The following COL1A1 variants were observed in gnomAD, a reference collection of about 807,000 sequenced individuals.
COL1A1 encodes the protein collagen alpha-1(I) chain.
COL1A1 carries 21 observed loss-of-function variants against 195.7 expected under a neutral mutation model. The observed-to-expected ratio is 0.11, with a 90% CI of 0.08 to 0.15. COL1A1 has a LOEUF of 0.15. Among genes scored for constraint, COL1A1 ranks in the 10% least tolerant of loss-of-function variants. The pLI, the probability that COL1A1 is intolerant of heterozygous loss-of-function variation, is 1.00. For missense variants in COL1A1, 1,365 were observed against 2,051.0 expected, an observed-to-expected ratio of 0.67 and a Z score of 6.46; for synonymous variants, 749 against 747.3, an observed-to-expected ratio of 1.00 and a Z score of -0.04.
rs1156674755 is a variant in COL1A1 at position 50,188,452 on chromosome 17, C to T, written c.3207+78G>A. The stretch of plus-strand genomic sequence containing the variant: ...CCCCCTGCCTGGGTGAAGTCCGACA[C>T]CCATCCCCAGGCCTCTAAGGAGGCC... On this transcript the variant is annotated intron_variant, in intron 43 of 50. Coordinates refer to ENST00000225964, the MANE Select transcript of COL1A1 (RefSeq NM_000088.4). The surrounding 1 kb of genome is among the most constrained non-coding windows in gnomAD (Gnocchi z 5.6). 15 of 1,388,886 alleles carry T rather than the reference C, an allele frequency of 1.1e-5. No homozygotes were observed. Among genetic ancestry groups the T allele is most frequent in the Non-Finnish European group, 1.5e-5 (15 of 977,460 alleles). 86.0% of individuals were successfully genotyped at this position (1,388,886 alleles called of 1,614,324 possible).
intron 32 of COL1A1, among the ~76,000 whole-genome samples, chr17:50,191,132 C>T (rs921436680): frequency 2.0e-5 from 3 of 152,040 alleles, no homozygotes; most frequent in African/African-American, 4.8e-5. Context: ...ACTTGTGTAG[C>T]GGGATGAATA....
chr17:50,196,599 G>A lies in COL1A1; in HGVS notation c.858+18C>T, dbSNP rs368700070. 21 of 1,614,016 alleles carry A rather than the reference G, an allele frequency of 1.3e-5. No homozygotes were observed. In the African/African-American group the frequency reaches 2.7e-4, roughly 21 times the overall value. On this transcript the variant is annotated intron_variant, in intron 12 of 50. Transcript: ENST00000225964. ...CTCTGGGGATGTGGAGGACCATGAT[G>A]TTCAGACAGCCTCTTACCTTAGGAC... is the stretch of plus-strand genomic sequence containing the variant.
chr17:50,186,120 A>G lies in COL1A1; in HGVS notation c.4006-100T>C, dbSNP rs1598284601. ...GGGTCCTCAGAGAGCTGCCCAATGC[A>G]CCGTTATATCGAGAGGAGGCACCAC... is the stretch of plus-strand genomic sequence containing the variant. On this transcript the variant is annotated intron_variant, in intron 49 of 50. Coordinates refer to ENST00000225964, the MANE Select transcript of COL1A1 (RefSeq NM_000088.4). The surrounding 1 kb of genome is among the most constrained non-coding windows in gnomAD (Gnocchi z 5.3). 1.3e-6 allele frequency: 2 copies of G among 1,569,288 alleles called. No homozygotes were observed. The highest frequency in any genetic ancestry group is 2.3e-5 in the East Asian group (1 of 44,010).
rs1907184428 is a variant in COL1A1, at chr17:50,192,494, G to A, written c.1964C>T (p.Ala655Val). 1 of 1,613,288 alleles carries A rather than the reference G, an allele frequency of 6.2e-7. No homozygotes were observed. Among genetic ancestry groups the A allele is most frequent in the Non-Finnish European group, 8.5e-7 (1 of 1,179,642 alleles). ...TCTTACCTGTTCACCAGGTTTGCCTGCTTCACCTGGAGGACCAGCAGGACC... is the reference window on the plus strand; with the variant it reads ...TCTTACCTGTTCACCAGGTTTGCCTACTTCACCTGGAGGACCAGCAGGACC... ...LPGPAGPPGE[A>V]GKPGEQGVPG... The change falls in exon 29 of 51, where the codon GCA becomes GTA. Residue 655 changes from alanine (A) to valine (V), a missense_variant. Around this residue, in one of 5 missense-constraint regions of COL1A1, gnomAD observed 671 missense variants for 1,099.9 expected, o/e 0.61. Coordinates refer to ENST00000225964, the MANE Select transcript of COL1A1 (RefSeq NM_000088.4).
chr17:50,188,084 C>T lies in COL1A1; in HGVS notation c.3261+12G>A. ...AGTTCTAAAGGCATGGGGGACACAG[C>T]AGGGTACTTACGGCGGGGCCACGGG... On this transcript the variant is annotated intron_variant, in intron 44 of 50. Coordinates refer to ENST00000225964, the MANE Select transcript of COL1A1 (RefSeq NM_000088.4). The surrounding 1 kb of genome is among the most constrained non-coding windows in gnomAD (Gnocchi z 5.6). 2 of 1,612,010 alleles carry T rather than the reference C, an allele frequency of 1.2e-6. No individual in the cohort carries two copies. Among genetic ancestry groups the T allele is most frequent in the Admixed American group, 3.3e-5 (2 of 59,712 alleles).
chr17:50,184,333 G>A lies in COL1A1; in HGVS notation c.*1169C>T, dbSNP rs996943385. 1.1e-4 allele frequency: 25 copies of A among 231,980 alleles called. No homozygotes were observed. The highest frequency in any genetic ancestry group is 5.3e-4 in the African/African-American group (24 of 45,288). 14.4% of individuals were successfully genotyped at this position (231,980 alleles called of 1,614,324 possible). On this transcript the variant is annotated 3_prime_UTR_variant, in exon 51 of 51. Coordinates refer to ENST00000225964, the MANE Select transcript of COL1A1 (RefSeq NM_000088.4). ...AGCTGTGGAGGAGGGTTTCAGAGGA[G>A]AGAGGTCGGAGAGCAGAGGCCTGAG...
chr17:50,188,540 C>G lies in COL1A1; in HGVS notation c.3197G>C (p.Arg1066Pro), dbSNP rs752075205. 1.2e-6 allele frequency: 2 copies of G among 1,613,954 alleles called. No homozygotes were observed. ...PVGPAGKSGD[R>P]GETGPAGPAG... ...AGCCCAGCTACTTACAGTCTCACCA[C>G]GATCACCACTCTTGCCAGCAGGGCC... Residue 1066 changes from arginine to proline, a missense_variant, in exon 43 of 51, where the codon CGT (arginine) becomes CCT (proline). This residue lies in a region of COL1A1 where 671 missense variants were observed against 1,099.9 expected (regional missense o/e 0.61). Coordinates refer to ENST00000225964, the MANE Select transcript of COL1A1 (RefSeq NM_000088.4). This position sits in a 1 kb window ranked among gnomAD's most constrained non-coding sequence, Gnocchi z 5.6.
rs1341595487 is a variant in COL1A1, at chr17:50,185,960, G to A, written c.4066C>T (p.Arg1356Cys). Residue 1356 changes from arginine to cysteine, a missense_variant, in exon 50 of 51, where the codon CGC becomes TGC. This residue lies in a region of COL1A1 where 273 missense variants were observed against 338.6 expected (regional missense o/e 0.81). Coordinates refer to ENST00000225964, the MANE Select transcript of COL1A1 (RefSeq NM_000088.4). ...TGGGAGGCCTCGGTGGACATCAGGC[G>A]CAGGAAGGTCAGCTGGATGGCCACA... Reference protein sequence around the residue: ...ADVAIQLTFLRLMSTEASQNI... With the variant: ...ADVAIQLTFLCLMSTEASQNI... 12 of 1,613,852 alleles carry A rather than the reference G, an allele frequency of 7.4e-6. No individual in the cohort carries two copies. The highest frequency in any genetic ancestry group is 1.7e-5 in the Admixed American group (1 of 60,006).
At position 50,195,986 on chromosome 17, in the gene COL1A1, A is replaced by G. The variant is rs1701959747; in HGVS notation, c.1003-10T>C. 1.3e-6 allele frequency: 2 copies of G among 1,597,428 alleles called. No individual in the cohort carries two copies. Among genetic ancestry groups the G allele is most frequent in the African/African-American group, 2.7e-5 (2 of 74,708 alleles). Reference sequence around the variant, plus strand: ...CGGGGCCGGTGGGACCCTGTGAATGAAATGGAGATGTCAGCGAGAAGGAAG... The same window carrying G: ...CGGGGCCGGTGGGACCCTGTGAATGGAATGGAGATGTCAGCGAGAAGGAAG... On this transcript the variant is annotated splice_polypyrimidine_tract_variant and intron_variant, in intron 15 of 50. Coordinates refer to ENST00000225964, the MANE Select transcript of COL1A1 (RefSeq NM_000088.4). The surrounding 1 kb of genome is among the most constrained non-coding windows in gnomAD (Gnocchi z 4.3).
At position 50,189,066 on chromosome 17, in the gene COL1A1, C is replaced by CAGCGGACTCAAG; in HGVS notation, c.2938-57_2938-56insCTTGAGTCCGCT. 6.4e-7 allele frequency: 1 copy of CAGCGGACTCAAG among 1,570,848 alleles called. No individual in the cohort carries two copies. Among genetic ancestry groups the CAGCGGACTCAAG allele is most frequent in the Non-Finnish European group, 8.8e-7 (1 of 1,141,074 alleles). ...TAGGGTCTGGGAGGACCCTTGAGTC[C>CAGCGGACTCAAG]GCTGGAGTCATCTCTACCAAATCTG... is the stretch of plus-strand genomic sequence containing the variant. On this transcript the variant is annotated intron_variant, in intron 40 of 50. Transcript: ENST00000225964. This position sits in a 1 kb window ranked among gnomAD's most constrained non-coding sequence, Gnocchi z 5.5.
At chr17:50,193,908 C>A (rs1042736214) in intron 25 of COL1A1, 35 bp downstream of exon 25, 2 of 1,589,658 alleles carry the variant, frequency 1.3e-6, no homozygotes, top group African/African-American at 2.7e-5. Context: ...GTGTGTTTGT[C>A]CCTGGCTCTT....
intron 46 of COL1A1, 30 bp from the exon 47 acceptor site, chr17:50,187,152 C>T (rs753584967): frequency 1.3e-5 from 20 of 1,545,488 alleles, no homozygotes; most frequent in African/African-American, 8.1e-5. Flanking sequence ...TTGAGAAAGG[C>T]TGCCAGAAGC....
Position 50,185,220 on chromosome 17 carries a change from G to C in COL1A1, c.*282C>G. 1 of 418,472 alleles carries C rather than the reference G, an allele frequency of 2.4e-6. No individual in the cohort carries two copies. 25.9% of individuals were successfully genotyped at this position (418,472 alleles called of 1,614,324 possible). ...CCCCGCATGGGTCTTCAAGCAAGTG[G>C]ACCAAGCTTCCTTTTTTAAAAAGTT... On this transcript the variant is annotated 3_prime_UTR_variant, in exon 51 of 51. Coordinates refer to ENST00000225964, the MANE Select transcript of COL1A1 (RefSeq NM_000088.4).
At chr17:50,198,367 C>A in intron 6 of COL1A1, 66 bp downstream of exon 6, 1 of 1,576,810 alleles carries the variant, frequency 6.3e-7, no homozygotes, top group Non-Finnish European at 8.7e-7. Context: ...ATACCAGCCG[C>A]CTATGCCCAC....
rs72654799 is a variant in COL1A1, at chr17:50,188,541, G to A, written c.3196C>T (p.Arg1066Cys). Residue 1066 changes from arginine (R) to cysteine (C), a missense_variant, in exon 43 of 51, where the codon CGT (arginine) becomes TGT (cysteine). Physicochemically the swap from Arg to Cys is radical, Grantham distance 180. Around this residue, in one of 5 missense-constraint regions of COL1A1, gnomAD observed 671 missense variants for 1,099.9 expected, o/e 0.61. Transcript: ENST00000225964. This position sits in a 1 kb window ranked among gnomAD's most constrained non-coding sequence, Gnocchi z 5.6. ...GCCCAGCTACTTACAGTCTCACCAC[G>A]ATCACCACTCTTGCCAGCAGGGCCA... ...PVGPAGKSGDRGETGPAGPAG... is the reference protein window; with the variant it reads ...PVGPAGKSGDCGETGPAGPAG... 71 of 1,613,860 alleles carry A rather than the reference G, an allele frequency of 4.4e-5. 1 individual carries two copies. Among genetic ancestry groups the A allele is most frequent in the Admixed American group, 1.8e-4 (11 of 60,006 alleles).
chr17:50,193,385 C>G, intron 25 of COL1A1: 1 of 429,750 alleles, frequency 2.3e-6, no homozygotes, highest in Non-Finnish European at 4.2e-6. Flanking sequence ...CCTATCCCCA[C>G]GTGTCGGGGT....
Position 50,186,314 on chromosome 17 carries a change from C to T in COL1A1, c.4005+3G>A. 1 of 1,614,190 alleles carries T rather than the reference C, an allele frequency of 6.2e-7. No homozygotes were observed. Among genetic ancestry groups the T allele is most frequent in the Non-Finnish European group, 8.5e-7 (1 of 1,180,036 alleles). On this transcript the variant is annotated splice_donor_region_variant and intron_variant, in intron 49 of 50. Coordinates refer to ENST00000225964, the MANE Select transcript of COL1A1 (RefSeq NM_000088.4). This position sits in a 1 kb window ranked among gnomAD's most constrained non-coding sequence, Gnocchi z 5.3. ...CACTGGCTCTGAGGTCCAGCTCACG[C>T]ACCTGGAATCCATCGGTCATGCTCT...
rs1908073007 is a variant in COL1A1, at chr17:50,201,292, T to G, written c.103+119A>C. ...GGGCGCCGAGGAAGAGCCCTCATCATCTCCCTTCCATTCCCGAGTCTCCGG... is the reference window on the plus strand; with the variant it reads ...GGGCGCCGAGGAAGAGCCCTCATCAGCTCCCTTCCATTCCCGAGTCTCCGG... On this transcript the variant is annotated intron_variant, in intron 1 of 50. Transcript: ENST00000225964. The G allele has an allele frequency of 9.5e-6, 9 of 947,010 alleles. No homozygotes were observed. The South Asian group carries it at 1.3e-4, about 13-fold the overall frequency. The allele number at this position is 947,010 out of a possible 1,614,324, so 58.7% of individuals were successfully genotyped here.
intron 29 of COL1A1, 72 bp downstream of exon 29, chr17:50,192,403 A>G: frequency 1.3e-6 from 2 of 1,494,670 alleles, no homozygotes; most frequent in Non-Finnish European, 1.8e-6. Context: ...CTGTCTGATT[A>G]GCTAGGAGCG....
Sources: gnomAD v4.1 joint callset for allele counts (sites outside exome capture counted in the v4.1 genomes callset) on GRCh38, gnomAD v4.1.1 for gene constraint, gnomAD v4.1.1 regional missense constraint, Gnocchi (gnomAD v3.1) non-coding constraint, MANE v1.5 for transcripts, NCBI Gene and HGNC (gene_info 2026-07-23, HGNC 2026-07-21) for gene names.